Variants in MED12L observed in about 807,000 individuals in gnomAD.
The protein encoded by MED12L is mediator complex subunit 12L.
In MED12L, 60 loss-of-function variants were observed where a neutral mutation model predicts 281.3. The observed-to-expected ratio is 0.21, with a 90% CI of 0.17 to 0.26. MED12L has a LOEUF of 0.26. MED12L is among the 10% of genes least tolerant of loss of function. The pLI is 1.00. For missense variants in MED12L, 2,146 were observed against 2,680.9 expected (o/e 0.80, Z 4.41); for synonymous variants, 974 against 987.2 (o/e 0.99, Z 0.25).
chr3:151,249,517 A>G (rs914246204), intron 16 of MED12L, among the ~76,000 whole-genome samples: 1 of 151,966 alleles, frequency 6.6e-6, no homozygotes, highest in Non-Finnish European at 1.5e-5. Context: ...ATGAGAAGAG[A>G]TATTGAAAGG....
rs1442053216 is a variant in MED12L at position 151,295,175 on chromosome 3, C to T, written c.2251-54884C>T. On this transcript the variant is annotated intron_variant, in intron 16 of 44. Transcript: ENST00000687756. The stretch of plus-strand genomic sequence containing the variant: ...CTTTCCTGGCCCGTCGCTCCTGTTG[C>T]CTGAATTGTGACTCTCTTGGCCGTG... The T allele has an allele frequency of 3.7e-6, 6 of 1,611,496 alleles. No individual in the cohort carries two copies. In the Admixed American group the frequency reaches 5.0e-5, roughly 13 times the overall value.
At chr3:151,335,927 T>C (rs1190965291) in intron 16 of MED12L, among the ~76,000 whole-genome samples, 1 of 152,192 alleles carries the variant, frequency 6.6e-6, no homozygotes, top group Non-Finnish European at 1.5e-5. Context: ...GTTTATTTCA[T>C]CTCTTGTGGA....
chr3:151,251,329 A>AT (rs1188903406), intron 16 of MED12L, among the ~76,000 whole-genome samples: 1 of 152,118 alleles, frequency 6.6e-6, no homozygotes, highest in Non-Finnish European at 1.5e-5. Context: ...GCTGTCAACA[A>AT]TTAAACACTC....
At chr3:151,344,306 A>T (rs565897332) in intron 16 of MED12L, among the ~76,000 whole-genome samples, 54 of 3,490 alleles carry the variant, frequency 0.015, no homozygotes, top group African/African-American at 0.082. Context: ...ACTAATGATT[A>T]AAAAAAAACC....
rs1034709363 is a variant in MED12L, at chr3:151,085,904, G to GCCAGCC, written c.-154_-149dup. ...CGGCGGCCGGAGTGACCCCGCCGCC[G>GCCAGCC]CCAGCCCCAGCCCGCTAGCCGCGGA... On this transcript the variant is annotated 5_prime_UTR_variant, in exon 1 of 45. Coordinates refer to ENST00000687756, the MANE Select transcript of MED12L (RefSeq NM_001393769.1). The GCCAGCC allele has an allele frequency of 7.2e-5, 11 of 152,072 alleles. No individual in the cohort carries two copies. Among genetic ancestry groups the GCCAGCC allele is most frequent in the Admixed American group, 4.6e-4 (7 of 15,288 alleles). The allele number at this position is 152,072 out of a possible 1,614,324, so 9.4% of individuals were successfully genotyped here. A position where few individuals can be genotyped will look rare whatever the true frequency, so the allele number is the denominator to read the frequency against.
chr3:151,198,339 T>TTTTG, intron 16 of MED12L: 1 of 1,022,530 alleles, frequency 9.8e-7, no homozygotes, highest in South Asian at 2.1e-5. Context: ...TGAGTTTTTT[T>TTTTG]TTGTTTTTTT....
intron 2 of MED12L, 50 bp downstream of exon 2, chr3:151,087,075 C>G: frequency 6.8e-7 from 1 of 1,475,362 alleles, no homozygotes. Context: ...CTCTGCAGCA[C>G]TGACCCGGGG....
intron 2 of MED12L, among the ~76,000 whole-genome samples, chr3:151,098,880 A>G (rs1201534088): frequency 6.6e-6 from 1 of 152,198 alleles, no homozygotes; most frequent in Non-Finnish European, 1.5e-5. Context: ...ATAAAGAAAA[A>G]GAGGTTTAAT....
Position 151,435,158 on chromosome 3 carries a change from C to G in MED12L, c.*2354C>G, listed in dbSNP as rs1257315533. ...CCTGTGGCAGAACCTGGTACTTTAC[C>G]TTACCAGAGGAAATTACCTTAGAAT... On this transcript the variant is annotated 3_prime_UTR_variant, in exon 45 of 45. Coordinates refer to ENST00000687756, the MANE Select transcript of MED12L (RefSeq NM_001393769.1). 1.3e-5 allele frequency: 2 copies of G among 148,572 alleles called. No homozygotes were observed. Among genetic ancestry groups the G allele is most frequent in the African/African-American group, 5.0e-5 (2 of 39,906 alleles). The allele number at this position is 148,572 out of a possible 1,614,324, so 9.2% of individuals were successfully genotyped here.
At chr3:151,310,904 A>G (rs1747407533) in intron 16 of MED12L, among the ~76,000 whole-genome samples, 2 of 152,184 alleles carry the variant, frequency 1.3e-5, no homozygotes, top group African/African-American at 4.8e-5. Context: ...TGGGAAATGT[A>G]CCATCTCTAG....
intron 16 of MED12L, among the ~76,000 whole-genome samples, chr3:151,243,995 C>T (rs1302207759): frequency 7.2e-6 from 1 of 137,944 alleles, no homozygotes; most frequent in Admixed American, 7.6e-5. Context: ...GACTTTAAAC[C>T]AACAAAGATC....
rs1350910476 is a variant in MED12L, at chr3:151,165,838, G to A, written c.1358-8G>A. 3.7e-6 allele frequency: 6 copies of A among 1,609,248 alleles called. No homozygotes were observed. The highest frequency in any genetic ancestry group is 4.2e-6 in the Non-Finnish European group (5 of 1,178,516). ...CTCATTAACCACTTGTTTAATTTCT[G>A]CCTATAGGGGTGACTATTAGTCGGG... On this transcript the variant is annotated splice_polypyrimidine_tract_variant and splice_region_variant and intron_variant, in intron 10 of 44. Transcript: ENST00000687756.
Position 151,434,971 on chromosome 3 carries a change from C to CTGTT in MED12L, c.*2169_*2172dup, listed in dbSNP as rs1719937953. ...CGATTCTATTGAAAGTTGAGGAATG[C>CTGTT]TGTTTTACCCCTGCGCATTATAAAG... On this transcript the variant is annotated 3_prime_UTR_variant, in exon 45 of 45. Coordinates refer to ENST00000687756, the MANE Select transcript of MED12L (RefSeq NM_001393769.1). The CTGTT allele has an allele frequency of 6.6e-6, 1 of 150,680 alleles. No homozygotes were observed. The highest frequency in any genetic ancestry group is 1.5e-5 in the Non-Finnish European group (1 of 67,902). The allele number at this position is 150,680 out of a possible 1,614,324, so 9.3% of individuals were successfully genotyped here. A position where few individuals can be genotyped will look rare whatever the true frequency, so the allele number is the denominator to read the frequency against.
At chr3:151,377,298 A>G in intron 30 of MED12L, 120 bp downstream of exon 30, 1 of 744,518 alleles carries the variant, frequency 1.3e-6, no homozygotes, top group Non-Finnish European at 2.1e-6. Context: ...GTTACTTGTA[A>G]GCAGGGATTA....
intron 11 of MED12L, among the ~76,000 whole-genome samples, chr3:151,177,141 T>A (rs1722147538): frequency 6.6e-6 from 1 of 152,322 alleles, no homozygotes; most frequent in Non-Finnish European, 1.5e-5. Flanking sequence ...TCAATTAGAT[T>A]AGAAGTCCAG....
intron 43 of MED12L, chr3:151,425,628 G>T (rs1389257321): frequency 2.2e-6 from 1 of 456,344 alleles, no homozygotes; most frequent in Admixed American, 2.3e-5. Flanking sequence ...TGGAGAAGTG[G>T]TTATACCATG....
intron 2 of MED12L, among the ~76,000 whole-genome samples, chr3:151,107,450 C>T (rs1341748600): frequency 6.6e-6 from 1 of 152,098 alleles, no homozygotes; most frequent in Non-Finnish European, 1.5e-5. Flanking sequence ...GGAATTCGCT[C>T]ACTATGGAAT....
chr3:151,128,698 A>G (rs945412993), intron 5 of MED12L, among the ~76,000 whole-genome samples: 1 of 152,182 alleles, frequency 6.6e-6, no homozygotes, highest in East Asian at 1.9e-4. Flanking sequence ...CCACCTACCT[A>G]AATTGCATTC....
intron 16 of MED12L, chr3:151,300,204 G>T: frequency 1.2e-6 from 1 of 832,908 alleles, no homozygotes; most frequent in Admixed American, 1.9e-5. Flanking sequence ...GATTTCTGGG[G>T]AGAAAATGAA....
Sources: gnomAD v4.1 joint callset for allele counts (sites outside exome capture counted in the v4.1 genomes callset) on GRCh38, gnomAD v4.1.1 for gene constraint, MANE v1.5 for transcripts, NCBI Gene and HGNC (gene_info 2026-07-23, HGNC 2026-07-21) for gene names.